Variants in SYN3 observed in about 807,000 individuals in gnomAD.
SYN3 encodes the protein synapsin-3.
Under a neutral mutation model 65.8 loss-of-function variants are expected in SYN3, and 35 were observed. That is an observed-to-expected ratio of 0.53 (90% CI 0.41 to 0.70). The LOEUF is 0.70. Among genes scored for constraint, SYN3 ranks in the 30% least tolerant of loss-of-function variants. SYN3 has a pLI of 0.00. For missense variants in SYN3, 680 were observed against 749.0 expected (o/e 0.91, Z 1.08); for synonymous variants, 270 against 292.9 (o/e 0.92, Z 0.80).
In SYN3 at chr22:32,982,400, C is replaced by G. The variant is rs114875673; in HGVS notation, c.312-1698G>C. ...ACATCCCTGCCTCTGTCTTCCCCAT[C>G]ATCAGTACATGACATCCCTATCTAC... On this transcript the variant is annotated intron_variant, in intron 2 of 13. Coordinates refer to ENST00000358763, the MANE Select transcript of SYN3 (RefSeq NM_003490.4). 5.9e-3 allele frequency among the ~76,000 whole-genome samples: 896 copies of G among 152,102 alleles called. 11 individuals are homozygous for G. The highest frequency in any genetic ancestry group is 0.02 in the African/African-American group (836 of 41,468).
At chr22:32,723,414 T>C (rs1448491164) in intron 6 of SYN3, among the ~76,000 whole-genome samples, 1 of 152,192 alleles carries the variant, frequency 6.6e-6, no homozygotes, top group Non-Finnish European at 1.5e-5. Flanking sequence ...TCATATACAC[T>C]AAACAGAGAC....
chr22:32,671,378 G>A (rs1242005628), intron 6 of SYN3, among the ~76,000 whole-genome samples: 1 of 151,534 alleles, frequency 6.6e-6, no homozygotes, highest in Non-Finnish European at 1.5e-5. Context: ...ACACTCACCT[G>A]CACACTCACC....
chr22:32,865,092 A>G (rs962441776), intron 5 of SYN3, 88 bp from the exon 6 acceptor site: 3 of 1,092,672 alleles, frequency 2.7e-6, no homozygotes, highest in Non-Finnish European at 4.2e-6. Context: ...CAAGCATCTG[A>G]CTGTTCTGAG....
chr22:32,561,329 G>A (rs777891908), intron 7 of SYN3, among the ~76,000 whole-genome samples: 2 of 152,208 alleles, frequency 1.3e-5, no homozygotes, highest in Non-Finnish European at 2.9e-5. Flanking sequence ...GTTTAGGCCA[G>A]TTTGAACTGG....
intron 3 of SYN3, among the ~76,000 whole-genome samples, chr22:32,940,008 C>T (rs1452668044): frequency 1.3e-5 from 2 of 152,192 alleles, no homozygotes; most frequent in Non-Finnish European, 2.9e-5. Flanking sequence ...TCTTTTTCAA[C>T]ACTTAGTATT....
chr22:32,644,137 T>C (rs2146905957), intron 6 of SYN3, among the ~76,000 whole-genome samples: 1 of 132,198 alleles, frequency 7.6e-6, no homozygotes, highest in East Asian at 2.4e-4. Context: ...AGAAAGGAAC[T>C]ATTCAGGGAG....
intron 3 of SYN3, among the ~76,000 whole-genome samples, chr22:32,975,137 G>C (rs2052145038): frequency 6.6e-6 from 1 of 152,144 alleles, no homozygotes; most frequent in African/African-American, 2.4e-5. Context: ...ATCACTTTGG[G>C]AGGCTCAGGC....
intron 4 of SYN3, among the ~76,000 whole-genome samples, chr22:32,881,398 G>A (rs1369576348): frequency 6.6e-6 from 1 of 152,184 alleles, no homozygotes; most frequent in Admixed American, 6.5e-5. Flanking sequence ...GCTCTGTCGG[G>A]TTAACTATTG....
intron 4 of SYN3, among the ~76,000 whole-genome samples, chr22:32,929,623 G>A (rs1420224603): frequency 6.6e-6 from 1 of 152,164 alleles, no homozygotes; most frequent in African/African-American, 2.4e-5. Context: ...GAGGTTTCCT[G>A]GAGGGCTGGG....
intron 6 of SYN3, among the ~76,000 whole-genome samples, chr22:32,657,483 A>G (rs2060158707): frequency 1.3e-5 from 2 of 152,326 alleles, no homozygotes; most frequent in East Asian, 1.9e-4. Context: ...TAAGCCACTG[A>G]GAGAGACACA....
intron 6 of SYN3, among the ~76,000 whole-genome samples, chr22:32,740,141 G>A (rs751845097): frequency 3.9e-5 from 6 of 152,224 alleles, no homozygotes; most frequent in Non-Finnish European, 8.8e-5. Flanking sequence ...TATTTGAAGG[G>A]CAGGTGTGTG....
intron 6 of SYN3, among the ~76,000 whole-genome samples, chr22:32,760,736 G>A (rs2045457044): frequency 6.6e-6 from 1 of 152,208 alleles, no homozygotes; most frequent in African/African-American, 2.4e-5. Context: ...CAGACAGGGA[G>A]AGAAGATGAG....
rs970591385 is a variant in SYN3, at chr22:32,966,701, G to A, written c.369+13944C>T. Among the ~76,000 whole-genome samples the A allele has an allele frequency of 4.6e-5, 7 of 152,294 alleles. 1 individual carries two copies. Among genetic ancestry groups the A allele is most frequent in the East Asian group, 3.9e-4 (2 of 5,174 alleles). Reference sequence around the variant, plus strand: ...AGGCCAAGCTGTGGGGACCACTTGAGCACAGGAGTTTGAGACCAGTCTGGG... The same window carrying A: ...AGGCCAAGCTGTGGGGACCACTTGAACACAGGAGTTTGAGACCAGTCTGGG... On this transcript the variant is annotated intron_variant, in intron 3 of 13. Coordinates refer to ENST00000358763, the MANE Select transcript of SYN3 (RefSeq NM_003490.4).
chr22:32,855,147 C>T (rs180740756), intron 6 of SYN3, among the ~76,000 whole-genome samples: 2 of 152,318 alleles, frequency 1.3e-5, no homozygotes, highest in East Asian at 1.9e-4. Context: ...GGCTTGTGTA[C>T]GCTGAGAACT....
At chr22:32,562,529 C>A (rs2058601490) in intron 7 of SYN3, among the ~76,000 whole-genome samples, 1 of 152,224 alleles carries the variant, frequency 6.6e-6, no homozygotes, top group African/African-American at 2.4e-5. Context: ...TCTCCCTGGT[C>A]TCTGCCTAAT....
intron 10 of SYN3, among the ~76,000 whole-genome samples, chr22:32,531,851 A>T (rs1160817484): frequency 7.3e-6 from 1 of 136,186 alleles, no homozygotes; most frequent in African/African-American, 2.7e-5. Context: ...CCCCTGGAAC[A>T]TTCTTGGGAG....
intron 6 of SYN3, among the ~76,000 whole-genome samples, chr22:32,652,241 G>A (rs1004154193): frequency 2.0e-5 from 3 of 152,064 alleles, no homozygotes; most frequent in African/African-American, 4.8e-5. Flanking sequence ...TAGAACAGCC[G>A]GCCAGATTTC....
At chr22:32,820,686 A>G in intron 6 of SYN3, among the ~76,000 whole-genome samples, 1 of 152,138 alleles carries the variant, frequency 6.6e-6, no homozygotes, top group East Asian at 1.9e-4. Flanking sequence ...GATTACCCCC[A>G]GGCACCAAGG....
At chr22:32,900,119 T>G (rs1352688054) in intron 4 of SYN3, among the ~76,000 whole-genome samples, 3 of 152,108 alleles carry the variant, frequency 2.0e-5, no homozygotes, top group Admixed American at 6.5e-5. Flanking sequence ...GGTATACTTC[T>G]GGGGCCTTTA....
Sources: gnomAD v4.1 joint callset for allele counts (sites outside exome capture counted in the v4.1 genomes callset) on GRCh38, gnomAD v4.1.1 for gene constraint, MANE v1.5 for transcripts, NCBI Gene and HGNC (gene_info 2026-07-23, HGNC 2026-07-21) for gene names.